TENM2: variants seen among roughly 807,000 people sequenced by gnomAD.
TENM2 encodes the protein teneurin transmembrane protein 2, also known as teneurin-2.
Under a neutral mutation model 245.2 loss-of-function variants are expected in TENM2, and 52 were observed. The ratio of observed to expected loss-of-function variants is 0.21; its 90% CI spans 0.17 to 0.27. The LOEUF (loss-of-function observed/expected upper bound fraction) is 0.27, where lower values mean the gene tolerates loss of function less well. Ranked by LOEUF, TENM2 falls within the 10% of genes least tolerant of loss-of-function variation. The probability of loss-of-function intolerance (pLI) is 1.00; values close to 1 mark genes in which losing one functional copy is unlikely to be tolerated. For missense variants in TENM2, 3,046 were observed against 3,666.8 expected (o/e 0.83, Z 4.37); for synonymous variants, 1,363 against 1,438.9 (o/e 0.95, Z 1.19).
intron 3 of TENM2, among the ~76,000 whole-genome samples, chr5:167,924,067 T>A (rs1346444921): frequency 2.6e-5 from 4 of 152,236 alleles, no homozygotes; most frequent in Non-Finnish European, 5.9e-5. Flanking sequence ...CCGGGTCTCC[T>A]TATTTCTGTT....
At chr5:167,727,805 G>T (rs892257695) in intron 2 of TENM2, among the ~76,000 whole-genome samples, 2 of 152,184 alleles carry the variant, frequency 1.3e-5, no homozygotes, top group Non-Finnish European at 2.9e-5. Context: ...ATGCCACACA[G>T]CTGTTAAGAA....
intron 1 of TENM2, among the ~76,000 whole-genome samples, chr5:167,321,898 G>C (rs996568533): frequency 6.8e-6 from 1 of 146,194 alleles, no homozygotes; most frequent in Non-Finnish European, 1.5e-5. Context: ...TGCAGATCTC[G>C]GCTCACTGCA....
intron 2 of TENM2, among the ~76,000 whole-genome samples, chr5:167,865,983 G>A (rs1164924410): frequency 6.6e-6 from 1 of 152,148 alleles, no homozygotes; most frequent in African/African-American, 2.4e-5. Flanking sequence ...GCTCTGTACT[G>A]GGTGCTAGGA....
chr5:167,418,645 T>A (rs1370714624), intron 2 of TENM2, among the ~76,000 whole-genome samples: 1 of 152,166 alleles, frequency 6.6e-6, no homozygotes, highest in East Asian at 1.9e-4. Flanking sequence ...ATTTGCATAC[T>A]TTTAAAACCT....
In TENM2 at chr5:167,738,768, G is replaced by T. The variant is rs112736994; in HGVS notation, c.503-137218G>T. Reference sequence around the variant, plus strand: ...CACCTCCTCACAGCATGCTCACATGGTCTTTCTGTGTGCACCCTCATCCCT... The same window carrying T: ...CACCTCCTCACAGCATGCTCACATGTTCTTTCTGTGTGCACCCTCATCCCT... On this transcript the variant is annotated intron_variant, in intron 2 of 28. Coordinates refer to ENST00000518659, the Ensembl canonical transcript of TENM2. Among the ~76,000 whole-genome samples the T allele has an allele frequency of 4.6e-4, 70 of 152,140 alleles. 1 individual carries two copies. Among genetic ancestry groups the T allele is most frequent in the African/African-American group, 1.7e-3 (70 of 41,512 alleles).
chr5:167,795,366 T>G (rs1471648092), intron 2 of TENM2, among the ~76,000 whole-genome samples: 7 of 152,198 alleles, frequency 4.6e-5, no homozygotes, highest in African/African-American at 1.4e-4. Context: ...TATTTATGCT[T>G]GCTTTTCCCC....
chr5:167,149,610 G>A, the TENM2 span, among the ~76,000 whole-genome samples: 1 of 151,956 alleles, frequency 6.6e-6, no homozygotes, highest in African/African-American at 2.4e-5. Flanking sequence ...TGGCCTCTCC[G>A]TGCCATATTT....
the TENM2 span, among the ~76,000 whole-genome samples, chr5:167,179,114 C>T: frequency 6.6e-6 from 1 of 152,026 alleles, no homozygotes; most frequent in South Asian, 2.1e-4. Flanking sequence ...TAAGGCATTC[C>T]ACTCTCAAGG....
At chr5:167,429,516 A>C (rs1177225672) in intron 2 of TENM2, among the ~76,000 whole-genome samples, 1 of 151,986 alleles carries the variant, frequency 6.6e-6, no homozygotes, top group Non-Finnish European at 1.5e-5. Context: ...ACAAGTGAGG[A>C]CTGAAGAATA....
At chr5:168,210,877 C>T (rs745477928) in intron 19 of TENM2, among the ~76,000 whole-genome samples, 1 of 152,136 alleles carries the variant, frequency 6.6e-6, no homozygotes, top group African/African-American at 2.4e-5. Flanking sequence ...GGCATCTTCT[C>T]GTCTCTGGCA....
At chr5:167,297,833 T>G (rs568447107) in intron 1 of TENM2, among the ~76,000 whole-genome samples, 1 of 151,488 alleles carries the variant, frequency 6.6e-6, no homozygotes, top group African/African-American at 2.4e-5. Flanking sequence ...GGAGTGGGGG[T>G]CACAGGGTGT....
the TENM2 span, among the ~76,000 whole-genome samples, chr5:167,033,232 C>G: frequency 1.3e-5 from 2 of 152,148 alleles, no homozygotes; most frequent in Admixed American, 1.3e-4. Context: ...TAATTCACAT[C>G]CCTTTATTCG....
At chr5:168,081,196 T>C (rs1047283313) in intron 7 of TENM2, among the ~76,000 whole-genome samples, 9 of 152,214 alleles carry the variant, frequency 5.9e-5, no homozygotes, top group African/African-American at 2.2e-4. Flanking sequence ...TGGCCTTCTT[T>C]GTCTCTTTTG....
intron 2 of TENM2, among the ~76,000 whole-genome samples, chr5:167,630,104 T>G (rs1181632513): frequency 1.3e-5 from 2 of 152,100 alleles, no homozygotes; most frequent in Non-Finnish European, 2.9e-5. Flanking sequence ...ATAGAATTAT[T>G]CTTACCTTAC....
intron 2 of TENM2, among the ~76,000 whole-genome samples, chr5:167,858,549 T>C (rs2151260680): frequency 6.6e-6 from 1 of 152,178 alleles, no homozygotes; most frequent in South Asian, 2.1e-4. Flanking sequence ...AAGAGAAGGC[T>C]CGAAGGCGCC....
intron 2 of TENM2, among the ~76,000 whole-genome samples, chr5:167,490,987 T>C (rs1768395402): frequency 6.6e-6 from 1 of 152,160 alleles, no homozygotes; most frequent in African/African-American, 2.4e-5. Context: ...AAACAGCTTC[T>C]AGTAAAAATC....
chr5:167,442,853 G>A (rs1055985874), intron 2 of TENM2, among the ~76,000 whole-genome samples: 19 of 152,050 alleles, frequency 1.2e-4, no homozygotes, highest in African/African-American at 4.6e-4. Context: ...TTAGTGCAAG[G>A]GGTCTGCTAT....
chr5:168,090,653 C>G (rs560055595), exon 8 of TENM2: 7 of 1,613,730 alleles, frequency 4.3e-6, no homozygotes, highest in Non-Finnish European at 5.9e-6. Context: ...AGCATACAGA[C>G]CTTGGTTCAG....
At chr5:168,118,026 CGAT>C (rs1199063181) in intron 9 of TENM2, among the ~76,000 whole-genome samples, 3 of 152,188 alleles carry the variant, frequency 2.0e-5, no homozygotes, top group Non-Finnish European at 2.9e-5. Context: ...AGGGTGATTA[CGAT>C]GATGAAGTCA....
Sources: gnomAD v4.1 joint callset for allele counts (sites outside exome capture counted in the v4.1 genomes callset) on GRCh38, gnomAD v4.1.1 for gene constraint, MANE v1.5 for transcripts, NCBI Gene and HGNC (gene_info 2026-07-23, HGNC 2026-07-21) for gene names.